The following ZBTB24 variants were observed in gnomAD, a reference collection of about 807,000 sequenced individuals.
ZBTB24 encodes zinc finger and BTB domain-containing protein 24.
ZBTB24 carries 32 observed loss-of-function variants against 53.8 expected under a neutral mutation model. That is an observed-to-expected ratio of 0.60 (90% CI 0.45 to 0.80). The LOEUF is 0.80. Ranked by LOEUF, ZBTB24 falls within the 30% of genes least tolerant of loss-of-function variation. The probability of loss-of-function intolerance (pLI) is 0.00; values close to 1 mark genes in which losing one functional copy is unlikely to be tolerated. For synonymous variants in ZBTB24, 297 were observed against 306.7 expected (o/e 0.97, Z 0.33); for missense variants, 722 against 837.1 (o/e 0.86, Z 1.70).
intron 5 of ZBTB24, among the ~76,000 whole-genome samples, chr6:109,472,657 C>G (rs1277782497): frequency 6.6e-6 from 1 of 152,186 alleles, no homozygotes; most frequent in African/African-American, 2.4e-5. Flanking sequence ...TGTGGAAATC[C>G]AGAGCTCTGG....
intron 2 of ZBTB24, 133 bp downstream of exon 2, chr6:109,480,942 A>C: frequency 6.6e-7 from 1 of 1,508,480 alleles, no homozygotes; most frequent in South Asian, 1.4e-5. Flanking sequence ...GAGAAAATTA[A>C]CTGCAATAAC....
At chr6:109,480,899 T>C in intron 2 of ZBTB24, 176 bp downstream of exon 2, 2 of 1,404,724 alleles carry the variant, frequency 1.4e-6, no homozygotes, top group Admixed American at 2.7e-5. Flanking sequence ...ATACAATGTA[T>C]AATGAGGATA....
intron 5 of ZBTB24, among the ~76,000 whole-genome samples, chr6:109,469,475 G>A (rs1358808625): frequency 1.3e-5 from 2 of 152,180 alleles, no homozygotes; most frequent in Non-Finnish European, 2.9e-5. Flanking sequence ...TTGAGGGAGT[G>A]AGCAGGACAG....
chr6:109,476,375 C>T (rs866619795), intron 3 of ZBTB24, 117 bp from the exon 4 acceptor site: 11 of 1,023,218 alleles, frequency 1.1e-5, no homozygotes, highest in African/African-American at 1.6e-5. Flanking sequence ...ATGATACAAG[C>T]GACTTGTTTA....
At chr6:109,482,372 A>G (rs887650071) in intron 1 of ZBTB24, among the ~76,000 whole-genome samples, 49 of 152,162 alleles carry the variant, frequency 3.2e-4, no homozygotes, top group Non-Finnish European at 1.6e-4. Context: ...AGGCTGCGGC[A>G]GGAGCATCAC....
At chr6:109,473,107 A>T (rs909419354) in intron 5 of ZBTB24, among the ~76,000 whole-genome samples, 1 of 152,186 alleles carries the variant, frequency 6.6e-6, no homozygotes, top group Admixed American at 6.5e-5. Flanking sequence ...TGTGGCCTTC[A>T]AAGTACTTCA....
At chr6:109,468,832 G>A (rs1776107451) in intron 5 of ZBTB24, among the ~76,000 whole-genome samples, 1 of 151,292 alleles carries the variant, frequency 6.6e-6, no homozygotes, top group South Asian at 2.1e-4. Context: ...TGCTTATTCA[G>A]TGTGTTTGCA....
chr6:109,471,244 T>C lies in ZBTB24; in HGVS notation c.1289-3510A>G, dbSNP rs535371993. Among the ~76,000 whole-genome samples, 7 of 152,354 alleles carry C rather than the reference T, an allele frequency of 4.6e-5. No homozygotes were observed. In the South Asian group the frequency reaches 1.2e-3, roughly 27 times the overall value. Reference sequence around the variant, plus strand: ...CACCTGTGTACTTGGCATTCCTATATGGTCTTCTCAGCTGTTTCCTGTCCT... The same window carrying C: ...CACCTGTGTACTTGGCATTCCTATACGGTCTTCTCAGCTGTTTCCTGTCCT... On this transcript the variant is annotated intron_variant, in intron 5 of 6. Transcript: ENST00000230122.
chr6:109,469,702 C>T (rs1013287901), intron 5 of ZBTB24, among the ~76,000 whole-genome samples: 1 of 152,190 alleles, frequency 6.6e-6, no homozygotes, highest in Non-Finnish European at 1.5e-5. Context: ...GATGCACAAA[C>T]TAATTAAGTA....
intron 6 of ZBTB24, among the ~76,000 whole-genome samples, chr6:109,467,289 C>T (rs1776065548): frequency 6.6e-6 from 1 of 152,024 alleles, no homozygotes. Context: ...TTGGGAGGCC[C>T]AGGCAGGCGG....
intron 5 of ZBTB24, among the ~76,000 whole-genome samples, chr6:109,472,680 C>G (rs1316365105): frequency 2.0e-5 from 3 of 152,190 alleles, no homozygotes; most frequent in Non-Finnish European, 1.5e-5. Flanking sequence ...GCATCTCTCC[C>G]CCGAATTCTC....
intron 3 of ZBTB24, 107 bp from the exon 4 acceptor site, chr6:109,476,365 A>T: frequency 9.1e-7 from 1 of 1,100,678 alleles, no homozygotes; most frequent in East Asian, 2.5e-5. Flanking sequence ...TTTTCTACAA[A>T]TGATACAAGC....
chr6:109,479,398 G>C (rs1406910263), intron 2 of ZBTB24, among the ~76,000 whole-genome samples: 3 of 152,220 alleles, frequency 2.0e-5, no homozygotes, highest in Non-Finnish European at 4.4e-5. Flanking sequence ...CATGGCATGA[G>C]AGGATCATAC....
At chr6:109,466,860 A>T (rs1171508188) in intron 6 of ZBTB24, among the ~76,000 whole-genome samples, 1 of 152,178 alleles carries the variant, frequency 6.6e-6, no homozygotes, top group African/African-American at 2.4e-5. Context: ...ATAAGAAAAG[A>T]GAGTAAATAT....
intron 2 of ZBTB24, 66 bp downstream of exon 2, chr6:109,481,009 G>A: frequency 1.3e-6 from 2 of 1,590,108 alleles, no homozygotes; most frequent in Non-Finnish European, 8.6e-7. Flanking sequence ...GTAAATGGAA[G>A]CTATTATTAT....
At chr6:109,471,153 A>G (rs1418322912) in intron 5 of ZBTB24, among the ~76,000 whole-genome samples, 1 of 152,236 alleles carries the variant, frequency 6.6e-6, no homozygotes, top group Non-Finnish European at 1.5e-5. Flanking sequence ...GCATTTCCTC[A>G]TGTACTTGCC....
intron 3 of ZBTB24, 97 bp downstream of exon 3, chr6:109,476,666 T>A: frequency 6.7e-7 from 1 of 1,496,426 alleles, no homozygotes; most frequent in South Asian, 1.2e-5. Flanking sequence ...ACGTTGGAAA[T>A]GATACTAGGC....
Position 109,465,908 on chromosome 6 carries a change from C to T in ZBTB24, c.2037G>A (p.Pro679=), listed in dbSNP as rs142189675. 1.8e-4 allele frequency: 286 copies of T among 1,614,038 alleles called. No homozygotes were observed. Among genetic ancestry groups the T allele is most frequent in the Non-Finnish European group, 2.2e-4 (265 of 1,180,036 alleles). Reference sequence around the variant, plus strand: ...GGGGCACGTGGTGAGTGGGTGGTGGCGGACCAGGCTCCTGTGTCAGCTGCA... The same window carrying T: ...GGGGCACGTGGTGAGTGGGTGGTGGTGGACCAGGCTCCTGTGTCAGCTGCA... ...QHLQLTQEPG[P]PPPTHHVPQP... is the part of the protein sequence containing the mutation. The change falls in exon 7 of 7, where the codon CCG becomes CCA. Residue 679 remains proline, a synonymous_variant. Coordinates refer to ENST00000230122, the MANE Select transcript of ZBTB24 (RefSeq NM_014797.3).
chr6:109,482,498 G>T (rs1347534980), intron 1 of ZBTB24, among the ~76,000 whole-genome samples: 17 of 144,184 alleles, frequency 1.2e-4, no homozygotes, highest in African/African-American at 3.6e-4. Flanking sequence ...TTAGCTCGCG[G>T]TTTTTTTTTT....
Sources: allele counts gnomAD v4.1 joint callset (sites outside exome capture counted in the v4.1 genomes callset), GRCh38; gene constraint gnomAD v4.1.1; transcripts MANE v1.5; gene names NCBI Gene and HGNC (gene_info 2026-07-23, HGNC 2026-07-21).